The following PDXK variants were observed in gnomAD, a reference collection of about 807,000 sequenced individuals.
PDXK encodes epididymis secretory sperm binding protein Li 1a.
In PDXK, 15 loss-of-function variants were observed where a neutral mutation model predicts 43.2. The ratio of observed to expected loss-of-function variants is 0.35; its 90% confidence interval spans 0.23 to 0.53. PDXK has a LOEUF of 0.53. PDXK is among the 20% of genes least tolerant of loss of function. The pLI is 0.92. For missense variants in PDXK, 343 were observed against 417.0 expected, an observed-to-expected ratio of 0.82 and a Z score of 1.54; for synonymous variants, 172 against 165.4, an observed-to-expected ratio of 1.04 and a Z score of -0.31.
chr21:43,723,860 G>A lies in PDXK; in HGVS notation c.87+4479G>A, dbSNP rs924932475. 2 of 152,280 alleles carry A rather than the reference G, an allele frequency of 1.3e-5. No homozygotes were observed. Among genetic ancestry groups the A allele is most frequent in the Admixed American group, 1.3e-4 (2 of 15,290 alleles). The allele number at this position is 152,280 out of a possible 1,614,324, so 9.4% of individuals were successfully genotyped here. On this transcript the variant is annotated intron_variant, in intron 1 of 10. Coordinates refer to ENST00000291565, the MANE Select transcript of PDXK (RefSeq NM_003681.5). This position sits in a 1 kb window ranked among gnomAD's most constrained non-coding sequence, Gnocchi z 4.1. ...CTGGGTGCCAGGCACTGCCGCCTGG[G>A]ACACATGTGACCTCCGTGCTGCAGG...
intron 8 of PDXK, among the ~76,000 whole-genome samples, chr21:43,752,856 A>ATAG (rs1002709126): frequency 2.6e-5 from 4 of 152,200 alleles, no homozygotes; most frequent in Admixed American, 6.5e-5. Flanking sequence ...ACCCAGCATC[A>ATAG]TAGGCCTCCC....
At chr21:43,747,318 T>G (rs2083655392) in intron 5 of PDXK, 1 of 152,300 alleles carries the variant, frequency 6.6e-6, no homozygotes, top group Non-Finnish European at 1.5e-5. Flanking sequence ...GGTTTTTAAC[T>G]CAGCCATTCA....
At chr21:43,740,316 G>A (rs2083475105) in intron 2 of PDXK, among the ~76,000 whole-genome samples, 1 of 152,140 alleles carries the variant, frequency 6.6e-6, no homozygotes, top group South Asian at 2.1e-4. Context: ...CTCTGGTGTG[G>A]GAATTCAGGG....
chr21:43,750,416 G>C, intron 6 of PDXK, 84 bp from the exon 7 acceptor site: 1 of 1,236,934 alleles, frequency 8.1e-7, no homozygotes, highest in East Asian at 2.5e-5. Context: ...TTCCAGAGCC[G>C]CTGCGGTTTG....
intron 2 of PDXK, among the ~76,000 whole-genome samples, chr21:43,740,126 G>A (rs900953907): frequency 6.6e-6 from 1 of 152,064 alleles, no homozygotes; most frequent in Non-Finnish European, 1.5e-5. Context: ...GCGCCCCCAG[G>A]TGCACCCCCC....
At chr21:43,751,866 C>T (rs1601833901) in intron 7 of PDXK, among the ~76,000 whole-genome samples, 1 of 152,360 alleles carries the variant, frequency 6.6e-6, no homozygotes, top group East Asian at 1.9e-4. Flanking sequence ...CACTGTCAGA[C>T]TGCAGCAGGA....
chr21:43,740,567 C>T (rs997498089), intron 2 of PDXK, among the ~76,000 whole-genome samples: 1 of 151,956 alleles, frequency 6.6e-6, no homozygotes, highest in Non-Finnish European at 1.5e-5. Flanking sequence ...ATGGCTGCCC[C>T]CTGAGCAGTG....
chr21:43,727,097 C>T (rs113643117), intron 1 of PDXK, among the ~76,000 whole-genome samples: 1 of 152,178 alleles, frequency 6.6e-6, no homozygotes, highest in African/African-American at 2.4e-5. Context: ...ACTGGCATTC[C>T]CTGGAAAGGG....
At chr21:43,748,968 T>G (rs1568989340) in intron 5 of PDXK, 27 bp from the exon 6 acceptor site, 7 of 1,443,294 alleles carry the variant, frequency 4.9e-6, no homozygotes, top group Non-Finnish European at 6.8e-6. Context: ...TGACTCAGCC[T>G]CTCCTCCTGT....
chr21:43,736,035 C>T lies in PDXK; in HGVS notation c.142+1912C>T, dbSNP rs147293492. Reference sequence around the variant, plus strand: ...CCCCTCTGGGCTCCCGTGCCACCCACTGTGAGTGCGGTGCCCACGATGACA... The same window carrying T: ...CCCCTCTGGGCTCCCGTGCCACCCATTGTGAGTGCGGTGCCCACGATGACA... On this transcript the variant is annotated intron_variant, in intron 2 of 10. Transcript: ENST00000291565. Among the ~76,000 whole-genome samples, 689 of 152,358 alleles carry T rather than the reference C, an allele frequency of 4.5e-3. 8 individuals carry two copies. Among genetic ancestry groups the T allele is most frequent in the African/African-American group, 0.015 (637 of 41,574 alleles).
chr21:43,753,615 A>G lies in PDXK; in HGVS notation c.655A>G (p.Ile219Val). ...NPAGSVVMER[I>V]RMDIRKVDAV... ...CGCTGGCTCCGTGGTGATGGAACGC[A>G]TCCGGATGGACATTCGCAAAGTGGA... is the stretch of plus-strand genomic sequence containing the variant. The change falls in exon 9 of 11, where the codon ATC becomes GTC. Residue 219 changes from isoleucine to valine, a missense_variant. Transcript: ENST00000291565. 1 of 1,613,582 alleles carries G rather than the reference A, an allele frequency of 6.2e-7. No individual in the cohort carries two copies. The highest frequency in any genetic ancestry group is 8.5e-7 in the Non-Finnish European group (1 of 1,179,654).
chr21:43,723,219 A>T lies in PDXK; in HGVS notation c.87+3838A>T, dbSNP rs527923708. The stretch of plus-strand genomic sequence containing the variant: ...GCTCAGGCTGAAGTACAATGGAGCG[A>T]TCTAGGCTCACTGCAACCTCCCCCT... On this transcript the variant is annotated intron_variant, in intron 1 of 10. Coordinates refer to ENST00000291565, the MANE Select transcript of PDXK (RefSeq NM_003681.5). The surrounding 1 kb of genome is among the most constrained non-coding windows in gnomAD (Gnocchi z 4.1). 2.0e-5 allele frequency among the ~76,000 whole-genome samples: 3 copies of T among 149,474 alleles called. No homozygotes were observed. Among genetic ancestry groups the T allele is most frequent in the Non-Finnish European group, 4.4e-5 (3 of 67,590 alleles).
At chr21:43,719,990 A>G in intron 1 of PDXK, 1 of 876,742 alleles carries the variant, frequency 1.1e-6, no homozygotes. Flanking sequence ...TGCACCCTCT[A>G]GCAGAGCGGC....
intron 7 of PDXK, among the ~76,000 whole-genome samples, chr21:43,752,126 T>TGCGC (rs376399079): frequency 1.5e-5 from 2 of 130,596 alleles, no homozygotes; most frequent in African/African-American, 2.8e-5. Context: ...TGTGTGTGTG[T>TGCGC]GCGCGCGCGT....
Position 43,734,043 on chromosome 21 carries a change from C to T in PDXK, c.88-26C>T, listed in dbSNP as rs1362934304. ...GACCCCAGACCTGGCTCTCTTACGC[C>T]TACCTGTTCCTTCTCTGTCTTGCAG... On this transcript the variant is annotated intron_variant, in intron 1 of 10. Coordinates refer to ENST00000291565, the MANE Select transcript of PDXK (RefSeq NM_003681.5). This position sits in a 1 kb window ranked among gnomAD's most constrained non-coding sequence, Gnocchi z 5.0. 6 of 1,613,254 alleles carry T rather than the reference C, an allele frequency of 3.7e-6. No individual in the cohort carries two copies. The highest frequency in any genetic ancestry group is 1.6e-4 in the Middle Eastern group (1 of 6,062).
rs1310334151 is a variant in PDXK, at chr21:43,737,811, G to A, written c.142+3688G>A. ...GAGTGCCAGGCTCCTTGGGCCGCCC[G>A]AGGAACCGCTTGTTTGCCTGTGCTT... On this transcript the variant is annotated intron_variant, in intron 2 of 10. Coordinates refer to ENST00000291565, the MANE Select transcript of PDXK (RefSeq NM_003681.5). The surrounding 1 kb of genome is among the most constrained non-coding windows in gnomAD (Gnocchi z 4.8). 8.1e-6 allele frequency: 8 copies of A among 985,366 alleles called. No homozygotes were observed. In the South Asian group the frequency reaches 2.8e-4, roughly 35 times the overall value. 61.0% of individuals were successfully genotyped at this position (985,366 alleles called of 1,614,324 possible). A position where few individuals can be genotyped will look rare whatever the true frequency, so the allele number is the denominator to read the frequency against.
chr21:43,719,450 G>T (rs557919459), intron 1 of PDXK, 69 bp downstream of exon 1: 1 of 1,430,798 alleles, frequency 7.0e-7, no homozygotes, highest in South Asian at 1.3e-5. Flanking sequence ...TGCCCGAGAC[G>T]AGCCTCAGTT....
Position 43,754,274 on chromosome 21 carries a change from T to C in PDXK, c.759+555T>C, listed in dbSNP as rs956587061. Among the ~76,000 whole-genome samples, 21 of 152,064 alleles carry C rather than the reference T, an allele frequency of 1.4e-4. No individual in the cohort carries two copies. Among genetic ancestry groups the C allele is most frequent in the Non-Finnish European group, 2.4e-4 (16 of 67,998 alleles). Reference sequence around the variant, plus strand: ...TGCCTGCTTTTCAAGTTTGTAGAGATCGGGTGGCTTTGCTTAGACAGTGGG... The same window carrying C: ...TGCCTGCTTTTCAAGTTTGTAGAGACCGGGTGGCTTTGCTTAGACAGTGGG... On this transcript the variant is annotated intron_variant, in intron 9 of 10. Transcript: ENST00000291565. This position sits in a 1 kb window ranked among gnomAD's most constrained non-coding sequence, Gnocchi z 5.5.
At chr21:43,719,406 C>T in intron 1 of PDXK, 25 bp downstream of exon 1, 1 of 1,511,886 alleles carries the variant, frequency 6.6e-7, no homozygotes, top group Non-Finnish European at 8.9e-7. Flanking sequence ...GCAGCCCGGG[C>T]TTACGTAACC....
Sources: allele counts gnomAD v4.1 joint callset (sites outside exome capture counted in the v4.1 genomes callset), GRCh38; gene constraint gnomAD v4.1.1; non-coding constraint Gnocchi (gnomAD v3.1); transcripts MANE v1.5; gene names NCBI Gene and HGNC (gene_info 2026-07-23, HGNC 2026-07-21).